The following NCOA6 variants were observed in gnomAD, a reference collection of about 807,000 sequenced individuals.
NCOA6 encodes the protein nuclear receptor coactivator 6, also known as NRC RAP250.
Under a neutral mutation model 171.4 loss-of-function variants are expected in NCOA6, and 49 were observed. The observed-to-expected ratio is 0.29, with a 90% confidence interval of 0.23 to 0.36. The LOEUF is 0.36. NCOA6 is among the 10% of genes least tolerant of loss of function. The pLI, the probability that NCOA6 is intolerant of heterozygous loss-of-function variation, is 1.00. For missense variants in NCOA6, 2,248 were observed against 2,554.5 expected (o/e 0.88, Z 2.59); for synonymous variants, 910 against 927.5 (o/e 0.98, Z 0.34).
Position 34,742,276 on chromosome 20 carries a change from C to T in NCOA6, c.3980G>A (p.Ser1327Asn), listed in dbSNP as rs1235414357. The change falls in exon 11 of 15, where the codon AGC (serine) becomes AAC (asparagine). Residue 1327 changes from serine (S) to asparagine (N), a missense_variant. Around this residue, in one of 7 missense-constraint regions of NCOA6, gnomAD observed 884 missense variants for 941.9 expected, o/e 0.94. Coordinates refer to ENST00000359003, the MANE Select transcript of NCOA6 (RefSeq NM_014071.5). ...NSGATKRASP[S>N]NSRRSSPGSS... ...CCCAGGACTAGACCTGCGACTGTTG[C>T]TTGGACTTGCCCGTTTTGTTGCTCC... 6.2e-7 allele frequency: 1 copy of T among 1,614,220 alleles called. No individual in the cohort carries two copies. Among genetic ancestry groups the T allele is most frequent in the Admixed American group, 1.7e-5 (1 of 60,026 alleles).
At chr20:34,735,639 T>C (rs1300769529) in intron 12 of NCOA6, among the ~76,000 whole-genome samples, 1 of 145,130 alleles carries the variant, frequency 6.9e-6, no homozygotes, top group Non-Finnish European at 1.5e-5. Flanking sequence ...GCAAACTCCA[T>C]CTCAAAAAAA....
intron 1 of NCOA6, among the ~76,000 whole-genome samples, chr20:34,805,735 C>A (rs942600759): frequency 6.6e-6 from 1 of 151,144 alleles, no homozygotes; most frequent in South Asian, 2.1e-4. Flanking sequence ...AGGCCCCAGA[C>A]TAGTATGCAG....
At chr20:34,794,239 T>C (rs1487025940) in intron 1 of NCOA6, among the ~76,000 whole-genome samples, 2 of 152,130 alleles carry the variant, frequency 1.3e-5, no homozygotes, top group South Asian at 2.1e-4. Context: ...TGAGCTATAA[T>C]AGCATCTGTA....
chr20:34,768,626 T>C, intron 4 of NCOA6, 40 bp from the exon 5 acceptor site: 1 of 1,607,794 alleles, frequency 6.2e-7, no homozygotes, highest in Non-Finnish European at 8.5e-7. Context: ...ATCATTAGAA[T>C]AAAATGCAAA....
chr20:34,764,806 T>TA (rs1165852345), intron 5 of NCOA6, among the ~76,000 whole-genome samples: 1 of 152,002 alleles, frequency 6.6e-6, no homozygotes, highest in Non-Finnish European at 1.5e-5. Flanking sequence ...AGATGGTAGT[T>TA]AGACAGTTAA....
At chr20:34,763,511 A>C (rs2076879247) in intron 5 of NCOA6, among the ~76,000 whole-genome samples, 1 of 152,162 alleles carries the variant, frequency 6.6e-6, no homozygotes, top group Non-Finnish European at 1.5e-5. Flanking sequence ...AAAATTTTAG[A>C]GGGAGGGAAT....
At chr20:34,721,941 A>C (rs6060014) in intron 14 of NCOA6, among the ~76,000 whole-genome samples, 11 of 151,206 alleles carry the variant, frequency 7.3e-5, no homozygotes, top group African/African-American at 2.4e-4. Flanking sequence ...TGCAGTCTCA[A>C]TTACTCAGGA....
chr20:34,795,391 A>T (rs1001623975), intron 1 of NCOA6, among the ~76,000 whole-genome samples: 1 of 152,214 alleles, frequency 6.6e-6, no homozygotes, highest in Non-Finnish European at 1.5e-5. Context: ...ATGTGATGTA[A>T]CTTTAAATAC....
intron 11 of NCOA6, among the ~76,000 whole-genome samples, chr20:34,737,363 C>T (rs1462352852): frequency 7.0e-6 from 1 of 143,812 alleles, no homozygotes; most frequent in African/African-American, 3.0e-5. Flanking sequence ...TGCCAGGTAC[C>T]CTGAGAGACC....
At chr20:34,788,583 G>C (rs2077761005) in intron 2 of NCOA6, among the ~76,000 whole-genome samples, 2 of 152,112 alleles carry the variant, frequency 1.3e-5, no homozygotes, top group East Asian at 3.9e-4. Flanking sequence ...AATTTGGTCT[G>C]GTGTTCAAGC....
chr20:34,720,293 A>T (rs1313883940), intron 14 of NCOA6, among the ~76,000 whole-genome samples: 2 of 152,238 alleles, frequency 1.3e-5, no homozygotes, highest in African/African-American at 2.4e-5. Context: ...ACATCTGATC[A>T]GGTGCAATTT....
chr20:34,789,742 G>C (rs2077809993), intron 2 of NCOA6, among the ~76,000 whole-genome samples: 1 of 152,114 alleles, frequency 6.6e-6, no homozygotes, highest in Admixed American at 6.6e-5. Context: ...AGCTGAAATT[G>C]TGCTACTGCA....
intron 11 of NCOA6, among the ~76,000 whole-genome samples, chr20:34,739,635 T>C (rs1233438875): frequency 6.6e-6 from 1 of 152,220 alleles, no homozygotes; most frequent in Admixed American, 6.5e-5. Context: ...CTGTTCACAC[T>C]TAAGGCACAG....
At chr20:34,773,984 A>G (rs2077232277) in intron 4 of NCOA6, among the ~76,000 whole-genome samples, 1 of 152,220 alleles carries the variant, frequency 6.6e-6, no homozygotes, top group African/African-American at 2.4e-5. Context: ...CTGTATTGTG[A>G]TAATCATTGT....
chr20:34,770,044 CTTT>C (rs542167234), intron 4 of NCOA6, among the ~76,000 whole-genome samples: 2 of 142,742 alleles, frequency 1.4e-5, no homozygotes, highest in Non-Finnish European at 3.1e-5. Context: ...GTCAGCCTTC[CTTT>C]TTTTTTTTTT....
At chr20:34,794,020 TTTGATAATTTACTGTTCCC>T (rs1453960490) in intron 1 of NCOA6, among the ~76,000 whole-genome samples, 1 of 152,184 alleles carries the variant, frequency 6.6e-6, no homozygotes, top group Non-Finnish European at 1.5e-5. Flanking sequence ...ACTCCAAAAA[TTTGATAATTTACTGTTCCC>T]AGCAAGGTTA....
chr20:34,783,345 C>A (rs1379641165), intron 2 of NCOA6, among the ~76,000 whole-genome samples: 1 of 152,006 alleles, frequency 6.6e-6, no homozygotes, highest in Non-Finnish European at 1.5e-5. Flanking sequence ...GTGTTCCGGA[C>A]AGAATTAAAT....
At chr20:34,729,915 G>C (rs2145352418) in intron 13 of NCOA6, among the ~76,000 whole-genome samples, 1 of 152,204 alleles carries the variant, frequency 6.6e-6, no homozygotes, top group Middle Eastern at 3.4e-3. Flanking sequence ...CATAAGCCAA[G>C]GTAAGTCAAG....
At chr20:34,780,877 C>A (rs773763641) in intron 3 of NCOA6, among the ~76,000 whole-genome samples, 1 of 152,004 alleles carries the variant, frequency 6.6e-6, no homozygotes, top group Non-Finnish European at 1.5e-5. Context: ...TGGTCTTGAA[C>A]TCCTGGGTTC....
Sources: gnomAD v4.1 joint callset for allele counts (sites outside exome capture counted in the v4.1 genomes callset) on GRCh38, gnomAD v4.1.1 for gene constraint, gnomAD v4.1.1 regional missense constraint, MANE v1.5 for transcripts, NCBI Gene and HGNC (gene_info 2026-07-23, HGNC 2026-07-21) for gene names.